Variants in NAV2 observed in about 807,000 individuals in gnomAD.
NAV2 encodes the protein neuron navigator 2.
In NAV2, 54 loss-of-function variants were observed where a neutral mutation model predicts 223.2. The ratio of observed to expected loss-of-function variants is 0.24; its 90% CI spans 0.19 to 0.30. The LOEUF is 0.30. NAV2 is among the 10% of genes least tolerant of loss of function. NAV2 has a pLI of 1.00. For synonymous variants in NAV2, 1,279 were observed against 1,239.3 expected, an observed-to-expected ratio of 1.03 and a Z score of -0.67; for missense variants, 2,806 against 3,147.5, an observed-to-expected ratio of 0.89 and a Z score of 2.60.
chr11:19,817,752 A>G (rs767014528), intron 1 of NAV2, among the ~76,000 whole-genome samples: 1 of 152,178 alleles, frequency 6.6e-6, no homozygotes, highest in Non-Finnish European at 1.5e-5. Context: ...GGCCCTGTAA[A>G]TAAAGCCGGG....
intron 1 of NAV2, among the ~76,000 whole-genome samples, chr11:19,560,379 C>G (rs1465698233): frequency 6.6e-6 from 1 of 152,188 alleles, no homozygotes; most frequent in East Asian, 1.9e-4. Context: ...ATCAAACTTT[C>G]TGGATTCAAG....
rs192928646 is a variant in NAV2 at position 19,890,176 on chromosome 11, C to T, written c.771-2258C>T. Among the ~76,000 whole-genome samples, 420 of 152,186 alleles carry T rather than the reference C, an allele frequency of 2.8e-3. 2 individuals carry two copies. Among genetic ancestry groups the T allele is most frequent in the Non-Finnish European group, 4.7e-3 (319 of 68,014 alleles). Reference sequence around the variant, plus strand: ...TGTAAATCATTATTCATCATTATTCCAAAGTTACAGGTAAGGAATTTGAAT... The same window carrying T: ...TGTAAATCATTATTCATCATTATTCTAAAGTTACAGGTAAGGAATTTGAAT... On this transcript the variant is annotated intron_variant, in intron 5 of 37. Coordinates refer to ENST00000349880, the MANE Select transcript of NAV2 (RefSeq NM_145117.5).
chr11:19,638,760 T>C (rs1452731189), intron 1 of NAV2, among the ~76,000 whole-genome samples: 1 of 152,174 alleles, frequency 6.6e-6, no homozygotes, highest in African/African-American at 2.4e-5. Context: ...TTTGGGAGCC[T>C]GAGGCAGGCA....
intron 1 of NAV2, among the ~76,000 whole-genome samples, chr11:19,548,868 C>T (rs1282314893): frequency 2.7e-5 from 3 of 111,752 alleles, no homozygotes; most frequent in East Asian, 2.7e-4. Context: ...ACACATCAGG[C>T]TCCGTCTCAA....
chr11:19,952,439 T>A (rs1329924305), intron 10 of NAV2, among the ~76,000 whole-genome samples: 1 of 152,252 alleles, frequency 6.6e-6, no homozygotes, highest in Non-Finnish European at 1.5e-5. Flanking sequence ...AGTCGGGGTC[T>A]AGATGCCTTA....
chr11:19,806,273 G>C (rs1260672790), intron 1 of NAV2, among the ~76,000 whole-genome samples: 5 of 152,216 alleles, frequency 3.3e-5, no homozygotes, highest in Non-Finnish European at 7.3e-5. Flanking sequence ...TTCCTTTCCT[G>C]ACTTCTGTTT....
chr11:19,925,304 G>A (rs2044641855), intron 6 of NAV2, among the ~76,000 whole-genome samples: 1 of 151,950 alleles, frequency 6.6e-6, no homozygotes, highest in Non-Finnish European at 1.5e-5. Context: ...TTTTTCTTTG[G>A]TTCCCTGTGC....
chr11:19,612,000 A>G (rs2046659585), intron 1 of NAV2, among the ~76,000 whole-genome samples: 2 of 152,314 alleles, frequency 1.3e-5, no homozygotes, highest in East Asian at 3.9e-4. Flanking sequence ...ATTTCCATAC[A>G]TCTTCTGAAA....
rs557874583 is a variant in NAV2, at chr11:19,531,999, G to A, written c.75+180972G>A. On this transcript the variant is annotated intron_variant, in intron 1 of 37. Coordinates refer to the NAV2 transcript ENST00000360655. ...AGGAAATCACCAAGGGAGTGATAGA[G>A]GATAAAGAGAAAGAAAAAAAATTAG... Among the ~76,000 whole-genome samples, 396 of 152,222 alleles carry A rather than the reference G, an allele frequency of 2.6e-3. 2 individuals are homozygous for A. The highest frequency in any genetic ancestry group is 4.5e-3 in the Non-Finnish European group (305 of 68,016).
At chr11:19,861,596 T>G (rs1407540703) in intron 3 of NAV2, among the ~76,000 whole-genome samples, 1 of 152,232 alleles carries the variant, frequency 6.6e-6, no homozygotes, top group Non-Finnish European at 1.5e-5. Flanking sequence ...CTGGGGTAAT[T>G]GCTGAGCATC....
At chr11:19,963,092 C>T (rs544074777) in intron 10 of NAV2, among the ~76,000 whole-genome samples, 15 of 152,340 alleles carry the variant, frequency 9.8e-5, no homozygotes, top group African/African-American at 2.9e-4. Context: ...GACTCAACAG[C>T]GCCTGCTAAC....
At chr11:19,706,202 C>A (rs1034556034) in intron 1 of NAV2, among the ~76,000 whole-genome samples, 8 of 152,218 alleles carry the variant, frequency 5.3e-5, no homozygotes, top group African/African-American at 1.9e-4. Flanking sequence ...TCCTTTTCTT[C>A]TATTACATTA....
At chr11:19,830,970 G>A (rs2059896370) in intron 1 of NAV2, among the ~76,000 whole-genome samples, 1 of 151,962 alleles carries the variant, frequency 6.6e-6, no homozygotes, top group Non-Finnish European at 1.5e-5. Context: ...TGGATCCTTG[G>A]GCTGTGTTGT....
chr11:19,730,478 C>A (rs2051666471), intron 1 of NAV2, among the ~76,000 whole-genome samples: 1 of 152,182 alleles, frequency 6.6e-6, no homozygotes, highest in Non-Finnish European at 1.5e-5. Flanking sequence ...CTGTTGGGGC[C>A]CTCGGTCTGC....
At chr11:19,542,093 C>T (rs1219886268) in intron 1 of NAV2, among the ~76,000 whole-genome samples, 1 of 152,134 alleles carries the variant, frequency 6.6e-6, no homozygotes. Flanking sequence ...TATGGGAATC[C>T]CTTCCACCCA....
At chr11:19,654,041 A>G (rs2048046644) in intron 1 of NAV2, among the ~76,000 whole-genome samples, 1 of 152,208 alleles carries the variant, frequency 6.6e-6, no homozygotes, top group Non-Finnish European at 1.5e-5. Flanking sequence ...ACTTCAGCAA[A>G]GTCTCAGGAT....
At chr11:20,070,204 TA>T (rs2059313477) in intron 22 of NAV2, among the ~76,000 whole-genome samples, 1 of 152,184 alleles carries the variant, frequency 6.6e-6, no homozygotes, top group Non-Finnish European at 1.5e-5. Context: ...TTCATCTGGA[TA>T]ACTAGATGTG....
At chr11:20,030,340 T>A (rs988965635) in intron 11 of NAV2, among the ~76,000 whole-genome samples, 1 of 152,254 alleles carries the variant, frequency 6.6e-6, no homozygotes, top group Non-Finnish European at 1.5e-5. Context: ...CTTTAAAAAA[T>A]ATCTTATTTT....
intron 1 of NAV2, among the ~76,000 whole-genome samples, chr11:19,607,637 G>A (rs980733164): frequency 1.3e-5 from 2 of 152,128 alleles, no homozygotes; most frequent in African/African-American, 4.8e-5. Context: ...TCTTTTCCTT[G>A]TCAGTCTTGG....
Sources: gnomAD v4.1 joint callset for allele counts (sites outside exome capture counted in the v4.1 genomes callset) on GRCh38, gnomAD v4.1.1 for gene constraint, MANE v1.5 for transcripts, NCBI Gene and HGNC (gene_info 2026-07-23, HGNC 2026-07-21) for gene names.